HIGD1C: variants seen among roughly 807,000 people sequenced by gnomAD.
HIGD1C encodes HIG1 domain family member 1C.
A neutral mutation model predicts 13.1 loss-of-function variants in HIGD1C; 11 were observed. That is an observed-to-expected ratio of 0.84 (90% CI 0.53 to 1.39). The LOEUF is 1.39. HIGD1C is among the 40% of genes most tolerant of loss of function. The pLI is 0.00. For missense variants in HIGD1C, 110 were observed against 112.0 expected (o/e 0.98, Z 0.08); for synonymous variants, 36 against 37.7 (o/e 0.95, Z 0.17).
intron 2 of HIGD1C, among the ~76,000 whole-genome samples, chr12:50,968,916 T>C (rs1340893325): frequency 6.6e-6 from 1 of 152,154 alleles, no homozygotes; most frequent in Non-Finnish European, 1.5e-5. Context: ...TGGCCTCAAG[T>C]GATCCTCCTC....
At chr12:50,969,702 CAA>C (rs757808017) in intron 2 of HIGD1C, among the ~76,000 whole-genome samples, 1 of 112,734 alleles carries the variant, frequency 8.9e-6, no homozygotes, top group African/African-American at 3.5e-5. Context: ...GACTCCATCT[CAA>C]AAAAAAAAAA....
the HIGD1C span, among the ~76,000 whole-genome samples, chr12:50,938,632 G>A: frequency 3.2e-4 from 49 of 152,288 alleles, no homozygotes; most frequent in Middle Eastern, 3.4e-3. Flanking sequence ...TGTAGCAGCC[G>A]CTCCAGATGG....
At chr12:50,937,255 T>C in the HIGD1C span, among the ~76,000 whole-genome samples, 1 of 152,216 alleles carries the variant, frequency 6.6e-6, no homozygotes, top group East Asian at 1.9e-4. Flanking sequence ...CCAGCAGGGC[T>C]GCACTTGGCT....
At chr12:50,952,059 A>AGTT, upstream of HIGD1C, among the ~76,000 whole-genome samples, 1 of 136,740 alleles carries the variant, frequency 7.3e-6, no homozygotes, top group East Asian at 2.1e-4. Flanking sequence ...TAGACCAGAA[A>AGTT]TTTTTTTTTT....
chr12:50,936,442 G>A, the HIGD1C span, among the ~76,000 whole-genome samples: 1 of 152,132 alleles, frequency 6.6e-6, no homozygotes, highest in African/African-American at 2.4e-5. Flanking sequence ...ATTTCACATA[G>A]TACTTATAAC....
the HIGD1C span, among the ~76,000 whole-genome samples, chr12:50,946,216 C>A: frequency 2.6e-5 from 4 of 152,102 alleles, no homozygotes; most frequent in Admixed American, 1.3e-4. Flanking sequence ...CAACAAAAGC[C>A]AAAATTGACA....
chr12:50,951,299 ACT>A (rs1321645057), upstream of HIGD1C, among the ~76,000 whole-genome samples: 2 of 151,996 alleles, frequency 1.3e-5, no homozygotes, highest in Non-Finnish European at 2.9e-5. Flanking sequence ...GTGATGACAG[ACT>A]CTATTTAGAA....
At chr12:50,965,486 C>T (rs1036078902) in intron 2 of HIGD1C, among the ~76,000 whole-genome samples, 24 of 152,056 alleles carry the variant, frequency 1.6e-4, no homozygotes, top group Non-Finnish European at 1.9e-4. Context: ...CTTTGCAGGT[C>T]AGGGGACCAG....
At chr12:50,953,096 C>G (rs1938958498), upstream of HIGD1C, among the ~76,000 whole-genome samples, 1 of 151,966 alleles carries the variant, frequency 6.6e-6, no homozygotes, top group Non-Finnish European at 1.5e-5. Context: ...TACCAGCCGA[C>G]CACTCCCCCA....
At chr12:50,965,964 G>A (rs1046458840) in intron 2 of HIGD1C, among the ~76,000 whole-genome samples, 7 of 152,148 alleles carry the variant, frequency 4.6e-5, no homozygotes, top group African/African-American at 1.7e-4. Context: ...ATTCAAGTTA[G>A]ACTTTTGTTC....
the HIGD1C span, among the ~76,000 whole-genome samples, chr12:50,944,820 G>C: frequency 1.3e-5 from 2 of 152,180 alleles, no homozygotes; most frequent in Non-Finnish European, 2.9e-5. Context: ...CTGGGAGGCA[G>C]AGGTTGCAAT....
chr12:50,955,065 G>A (rs1939042125), intron 1 of HIGD1C, among the ~76,000 whole-genome samples: 1 of 152,162 alleles, frequency 6.6e-6, no homozygotes, highest in Non-Finnish European at 1.5e-5. Context: ...GCCGAGGCAG[G>A]TGGATCACTT....
chr12:50,972,454 A>T (rs1172031625), downstream of HIGD1C, among the ~76,000 whole-genome samples: 3 of 152,256 alleles, frequency 2.0e-5, no homozygotes, highest in Non-Finnish European at 4.4e-5. Context: ...ACTTAGAAGG[A>T]AAGTGGTCAC....
the HIGD1C span, among the ~76,000 whole-genome samples, chr12:50,939,528 G>A: frequency 9.2e-5 from 14 of 152,056 alleles, no homozygotes; most frequent in Admixed American, 2.0e-4. Context: ...AATTTAAGCC[G>A]CTCATCTCTG....
At chr12:50,965,816 T>C (rs1292967300) in intron 2 of HIGD1C, among the ~76,000 whole-genome samples, 2 of 152,188 alleles carry the variant, frequency 1.3e-5, no homozygotes, top group Admixed American at 6.5e-5. Flanking sequence ...GAAGGAAGAC[T>C]TACATCTATT....
At chr12:50,971,297 C>T (rs1939753756), downstream of HIGD1C, among the ~76,000 whole-genome samples, 1 of 152,172 alleles carries the variant, frequency 6.6e-6, no homozygotes, top group Non-Finnish European at 1.5e-5. Flanking sequence ...ATAATGACAT[C>T]AGAGGAGAAT....
At chr12:50,954,747 C>CA (rs1592249378) in intron 1 of HIGD1C, among the ~76,000 whole-genome samples, 1 of 151,842 alleles carries the variant, frequency 6.6e-6, no homozygotes, top group African/African-American at 2.4e-5. Context: ...AACAAATAAA[C>CA]AAAAAACCAA....
At chr12:50,955,034 G>C (rs1939040408) in intron 1 of HIGD1C, among the ~76,000 whole-genome samples, 1 of 152,138 alleles carries the variant, frequency 6.6e-6, no homozygotes, top group African/African-American at 2.4e-5. Flanking sequence ...GCTCACTCCT[G>C]TAATCCCAGC....
the HIGD1C span, among the ~76,000 whole-genome samples, chr12:50,936,608 C>T: frequency 6.6e-6 from 1 of 152,204 alleles, no homozygotes; most frequent in African/African-American, 2.4e-5. Flanking sequence ...TGTATAGCTT[C>T]CCAAGATCAT....
Sources: gnomAD v4.1 joint callset for allele counts (sites outside exome capture counted in the v4.1 genomes callset) on GRCh38, gnomAD v4.1.1 for gene constraint, MANE v1.5 for transcripts, NCBI Gene and HGNC (gene_info 2026-07-23, HGNC 2026-07-21) for gene names.